TMEM44: variants seen among roughly 807,000 people sequenced by gnomAD.
The protein encoded by TMEM44 is transmembrane protein 44.
TMEM44 carries 43 observed loss-of-function variants against 47.8 expected under a neutral mutation model. The observed-to-expected ratio is 0.90, with a 90% confidence interval of 0.70 to 1.16. The LOEUF (loss-of-function observed/expected upper bound fraction) is 1.16, where lower values mean the gene tolerates loss of function less well. Ranked by LOEUF, TMEM44 falls within the 50% of genes most tolerant of loss-of-function variation. TMEM44 has a pLI of 0.00. For missense variants in TMEM44, 568 were observed against 555.2 expected (o/e 1.02, Z -0.23); for synonymous variants, 277 against 238.8 (o/e 1.16, Z -1.48).
intron 9 of TMEM44, 123 bp downstream of exon 9, chr3:194,604,164 T>C (rs1714488807): frequency 3.2e-6 from 4 of 1,269,604 alleles, no homozygotes; most frequent in Non-Finnish European, 4.3e-6. Context: ...TCATTCATTA[T>C]TTAGCAGGTA....
intron 8 of TMEM44, among the ~76,000 whole-genome samples, chr3:194,607,290 C>T (rs929018597): frequency 1.3e-5 from 2 of 152,142 alleles, no homozygotes; most frequent in African/African-American, 4.8e-5. Flanking sequence ...CAGATGCTGG[C>T]ACCACGTAAA....
At chr3:194,602,863 T>G (rs1026163015) in intron 9 of TMEM44, among the ~76,000 whole-genome samples, 1 of 152,160 alleles carries the variant, frequency 6.6e-6, no homozygotes, top group Non-Finnish European at 1.5e-5. Flanking sequence ...GTTCAACCAA[T>G]CTAGGGGACT....
At chr3:194,612,021 AAAATAAATAAAT>A (rs10578893) in intron 7 of TMEM44, among the ~76,000 whole-genome samples, 14,773 of 146,636 alleles carry the variant, frequency 0.1, 818 homozygotes, top group South Asian at 0.19. Flanking sequence ...CTCCGTCTCA[AAAATAAATAAAT>A]AAATAAATAA....
chr3:194,600,094 T>G (rs1248497867), intron 9 of TMEM44, among the ~76,000 whole-genome samples: 1 of 150,578 alleles, frequency 6.6e-6, no homozygotes, highest in Non-Finnish European at 1.5e-5. Context: ...CATTTATTTT[T>G]GTTTTGTTTT....
intron 8 of TMEM44, among the ~76,000 whole-genome samples, chr3:194,609,944 C>T (rs1715139964): frequency 6.6e-6 from 1 of 152,112 alleles, no homozygotes; most frequent in African/African-American, 2.4e-5. Context: ...AGATGATAGA[C>T]ACGGCCGGAC....
At chr3:194,597,410 G>A (rs1713549382) in intron 9 of TMEM44, 1 of 152,244 alleles carries the variant, frequency 6.6e-6, no homozygotes, top group African/African-American at 2.4e-5. Flanking sequence ...TGTAATCCCA[G>A]CACCTTGGGA....
rs201921184 is a variant in TMEM44, at chr3:194,617,176, C to T, written c.706G>A (p.Asp236Asn). 373 of 1,554,354 alleles carry T rather than the reference C, an allele frequency of 2.4e-4. 5 individuals are homozygous for T. In the East Asian group the frequency reaches 7.2e-3, roughly 30 times the overall value. Residue 236 changes from aspartate (D) to asparagine (N), a missense_variant, in exon 6 of 10, where the codon GAC (aspartate) becomes AAC (asparagine). Transcript: ENST00000347147. ...CGCAGCAGGTACTCAGGGTGCTGGTCGTGGGCCACAATGGCCGAGGCATAG... is the reference window on the plus strand; with the variant it reads ...CGCAGCAGGTACTCAGGGTGCTGGTTGTGGGCCACAATGGCCGAGGCATAG... ...LLYASAIVAH[D>N]QHPEYLLRAT...
Position 194,630,934 on chromosome 3 carries a change from A to G in TMEM44, c.137+2145T>C, listed in dbSNP as rs376240879. Among the ~76,000 whole-genome samples the G allele has an allele frequency of 2.7e-4, 18 of 67,812 alleles. No homozygotes were observed. In the East Asian group the frequency reaches 4.3e-3, roughly 16 times the overall value. The allele number at this position is 67,812 out of a possible 152,430, so 44.5% of individuals were successfully genotyped here. On this transcript the variant is annotated intron_variant, in intron 1 of 9. Coordinates refer to ENST00000347147, the MANE Select transcript of TMEM44 (RefSeq NM_001011655.3). ...GGGCCTCTGAAATACGTTGTCGCACATGCCTCCTGGAGGGGCTGGCTGTTT... is the reference window on the plus strand; with the variant it reads ...GGGCCTCTGAAATACGTTGTCGCACGTGCCTCCTGGAGGGGCTGGCTGTTT...
At chr3:194,609,697 C>T (rs1715116616) in intron 8 of TMEM44, among the ~76,000 whole-genome samples, 1 of 152,130 alleles carries the variant, frequency 6.6e-6, no homozygotes, top group South Asian at 2.1e-4. Flanking sequence ...CACCTCCTCA[C>T]CCCTCCAGCG....
At chr3:194,593,150 C>G in intron 9 of TMEM44, 1 of 1,483,988 alleles carries the variant, frequency 6.7e-7, no homozygotes. Context: ...GAGCTCAGGA[C>G]CAGCTCCTGT....
At chr3:194,632,090 G>A (rs1189224902) in intron 1 of TMEM44, among the ~76,000 whole-genome samples, 1 of 152,182 alleles carries the variant, frequency 6.6e-6, no homozygotes, top group Non-Finnish European at 1.5e-5. Flanking sequence ...ACTCAGACAA[G>A]TTATTTAACC....
chr3:194,612,703 C>T (rs7619575), intron 7 of TMEM44, among the ~76,000 whole-genome samples: 32 of 151,962 alleles, frequency 2.1e-4, no homozygotes, highest in Non-Finnish European at 4.0e-4. Context: ...CTCGCTCTGT[C>T]GCCCAGGCTG....
chr3:194,592,224 CAAA>C (rs58909852), intron 9 of TMEM44, among the ~76,000 whole-genome samples: 29 of 129,934 alleles, frequency 2.2e-4, no homozygotes, highest in East Asian at 2.4e-4. Flanking sequence ...GACTCCGTCT[CAAA>C]AAAAAAAAAA....
chr3:194,611,819 C>T lies in TMEM44; in HGVS notation c.913-799G>A, dbSNP rs183542276. On this transcript the variant is annotated intron_variant, in intron 7 of 9. Transcript: ENST00000347147. This position sits in a 1 kb window ranked among gnomAD's most constrained non-coding sequence, Gnocchi z 4.2. ...GGCCGATCACCTGAGGTTAGGAGTG[C>T]GAGACCAGCCTGGTCAACATAGTGA... Among the ~76,000 whole-genome samples the T allele has an allele frequency of 3.9e-5, 6 of 152,030 alleles. No individual in the cohort carries two copies. The East Asian group carries it at 1.2e-3, about 30-fold the overall frequency.
At chr3:194,619,202 G>T (rs886256927) in intron 5 of TMEM44, among the ~76,000 whole-genome samples, 1 of 152,240 alleles carries the variant, frequency 6.6e-6, no homozygotes, top group Non-Finnish European at 1.5e-5. Flanking sequence ...CTAACCCAGT[G>T]ACAGCGCCCA....
At chr3:194,601,050 G>T (rs976825348) in intron 9 of TMEM44, among the ~76,000 whole-genome samples, 1 of 152,116 alleles carries the variant, frequency 6.6e-6, no homozygotes, top group South Asian at 2.1e-4. Context: ...TGCAGCTGCT[G>T]AACTTCTAAA....
rs557869862 is a variant in TMEM44 at position 194,603,473 on chromosome 3, CTG to C, written c.1176+812_1176+813del. On this transcript the variant is annotated intron_variant, in intron 9 of 9. Transcript: ENST00000347147. Reference sequence around the variant, plus strand: ...AGTGCAGTGGCATGATCTTGGCTCACTGTAATTTCCACCTCCCGGGTTCAAGT... The same window carrying C: ...AGTGCAGTGGCATGATCTTGGCTCACTAATTTCCACCTCCCGGGTTCAAGT... Among the ~76,000 whole-genome samples, 523 of 152,302 alleles carry C rather than the reference CTG, an allele frequency of 3.4e-3. 4 individuals are homozygous for C. Among genetic ancestry groups the C allele is most frequent in the African/African-American group, 0.012 (498 of 41,572 alleles).
intron 1 of TMEM44, among the ~76,000 whole-genome samples, chr3:194,630,301 A>C (rs1478556861): frequency 3.3e-3 from 36 of 10,808 alleles, no homozygotes; most frequent in African/African-American, 0.015. Context: ...ACCTGCCTCC[A>C]GAAGGGGCTG....
intron 9 of TMEM44, among the ~76,000 whole-genome samples, chr3:194,592,235 A>C (rs1712851406): frequency 6.6e-6 from 1 of 152,092 alleles, no homozygotes; most frequent in Non-Finnish European, 1.5e-5. Context: ...AAAAAAAAAA[A>C]AAAAAAAATC....
Sources: gnomAD v4.1 joint callset for allele counts (sites outside exome capture counted in the v4.1 genomes callset) on GRCh38, gnomAD v4.1.1 for gene constraint, Gnocchi (gnomAD v3.1) non-coding constraint, MANE v1.5 for transcripts, NCBI Gene and HGNC (gene_info 2026-07-23, HGNC 2026-07-21) for gene names.